Variants in DARS2 observed in about 807,000 individuals in gnomAD.
DARS2 encodes aspartyl-tRNA synthetase 2, mitochondrial.
In DARS2, 63 loss-of-function variants were observed where a neutral mutation model predicts 83.0. The ratio of observed to expected loss-of-function variants is 0.76; its 90% confidence interval spans 0.62 to 0.94. DARS2 has a LOEUF of 0.94. Ranked by LOEUF, DARS2 falls within the 40% of genes least tolerant of loss-of-function variation. The pLI is 0.00. For missense variants in DARS2, 675 were observed against 774.4 expected, an observed-to-expected ratio of 0.87 and a Z score of 1.52; for synonymous variants, 250 against 269.3, an observed-to-expected ratio of 0.93 and a Z score of 0.70.
At chr1:173,833,300 T>C in intron 5 of DARS2, 76 bp from the exon 6 acceptor site, 1 of 1,411,428 alleles carries the variant, frequency 7.1e-7, no homozygotes, top group Non-Finnish European at 9.4e-7. Flanking sequence ...TTTTTGAAAA[T>C]TCAAACTCTT....
intron 15 of DARS2, 94 bp from the exon 16 acceptor site, chr1:173,856,572 T>C (rs1653867362): frequency 1.8e-6 from 2 of 1,137,326 alleles, no homozygotes; most frequent in Non-Finnish European, 2.6e-6. Flanking sequence ...GTTTTAAAAC[T>C]CAACTTTGTT....
Position 173,826,760 on chromosome 1 carries a change from C to T in DARS2, c.201C>T (p.Thr67=), listed in dbSNP as rs2102634045. 1.2e-6 allele frequency: 2 copies of T among 1,613,146 alleles called. No individual in the cohort carries two copies. Among genetic ancestry groups the T allele is most frequent in the South Asian group, 1.1e-5 (1 of 91,062 alleles). Residue 67 remains threonine (T), a synonymous_variant, in exon 2 of 17, where the codon ACC becomes ACT. Transcript: ENST00000649689. ...LRSSHLGQEV[T]LCGWIQYRRQ... ...CGTCTCACTTAGGCCAAGAAGTCAC[C>T]TTGTGTGGATGGATTCAGTACCGAA...
chr1:173,834,302 C>T (rs1057332557), intron 6 of DARS2, among the ~76,000 whole-genome samples, 171 bp from the exon 7 acceptor site: 2 of 152,150 alleles, frequency 1.3e-5, no homozygotes, highest in African/African-American at 4.8e-5. Context: ...TGAAAATCTT[C>T]AGCTTCCTTC....
intron 4 of DARS2, 63 bp from the exon 5 acceptor site, chr1:173,831,472 A>G (rs564582481): frequency 8.7e-7 from 1 of 1,152,010 alleles, no homozygotes; most frequent in East Asian, 2.3e-5. Flanking sequence ...AGATTCTACA[A>G]ATGTGTATTT....
chr1:173,842,453 C>A (rs1653267065), intron 11 of DARS2, among the ~76,000 whole-genome samples: 3 of 149,728 alleles, frequency 2.0e-5, no homozygotes, highest in Admixed American at 6.7e-5. Flanking sequence ...CGTATGCCAC[C>A]ATGCCCAGCT....
In DARS2 at chr1:173,841,716, T is replaced by C. The variant is rs111307469; in HGVS notation, c.1128+743T>C. Among the ~76,000 whole-genome samples the C allele has an allele frequency of 1.0e-3, 158 of 152,254 alleles. 1 individual carries two copies. The highest frequency in any genetic ancestry group is 3.7e-3 in the African/African-American group (152 of 41,558). On this transcript the variant is annotated intron_variant, in intron 11 of 16. Transcript: ENST00000649689. ...CTGGAGGTTGAGGTCCAAGGATCAC[T>C]TGAGGCAAAGTGTTCAAGGCTGCAG...
rs1652866816 is a variant in DARS2, at chr1:173,833,435, G to C, written c.552G>C (p.Gln184His). Residue 184 changes from glutamine to histidine, a missense_variant, in exon 6 of 17, where the codon CAG becomes CAC. Gln to His is a conservative substitution (Grantham distance 24). Transcript: ENST00000649689. ...RYLDLRSFQM[Q>H]YNLRLRSQMV... ...TAGACTTGCGTAGTTTCCAAATGCA[G>C]TATAACCTGCGACTGAGGTCCCAGA... The C allele has an allele frequency of 6.2e-7, 1 of 1,613,994 alleles. No individual in the cohort carries two copies. The highest frequency in any genetic ancestry group is 1.1e-5 in the South Asian group (1 of 91,086).
In DARS2 at chr1:173,853,708, T is replaced by C. The variant is rs1021532376; in HGVS notation, c.1564-87T>C. On this transcript the variant is annotated intron_variant, in intron 14 of 16. Transcript: ENST00000649689. ...TGGAGTTTGAGTTAGTAGTAATACA[T>C]TGTCTTTAAAAATCTACAGGGTCTT... is the stretch of plus-strand genomic sequence containing the variant. 4.0e-6 allele frequency: 6 copies of C among 1,490,528 alleles called. No individual in the cohort carries two copies. The African/African-American group carries it at 6.9e-5, about 17-fold the overall frequency. 92.3% of individuals were successfully genotyped at this position (1,490,528 alleles called of 1,614,324 possible).
At chr1:173,826,081 G>T (rs948110606) in intron 1 of DARS2, among the ~76,000 whole-genome samples, 15 of 151,870 alleles carry the variant, frequency 9.9e-5, no homozygotes, top group East Asian at 2.0e-4. Flanking sequence ...AAAATTAGCC[G>T]GGCGTGGTGG....
intron 2 of DARS2, among the ~76,000 whole-genome samples, 155 bp from the exon 3 acceptor site, chr1:173,828,178 T>C (rs1339005704): frequency 6.6e-6 from 1 of 152,158 alleles, no homozygotes; most frequent in East Asian, 1.9e-4. Context: ...TGAAGGTACA[T>C]AATTATCATA....
chr1:173,846,081 G>A (rs958298913), intron 12 of DARS2, among the ~76,000 whole-genome samples: 5 of 151,496 alleles, frequency 3.3e-5, no homozygotes, highest in Non-Finnish European at 5.9e-5. Context: ...TGGCGTGAAC[G>A]CAGGAGGCGG....
chr1:173,857,374 C>A (rs1653892107), intron 16 of DARS2, 144 bp from the exon 17 acceptor site: 12 of 776,846 alleles, frequency 1.5e-5, no homozygotes, highest in Non-Finnish European at 2.5e-5. Flanking sequence ...AACAAAAGTT[C>A]TCTAAAAAGG....
chr1:173,837,099 G>A (rs1194816125), intron 8 of DARS2, 53 bp downstream of exon 8: 2 of 1,490,738 alleles, frequency 1.3e-6, no homozygotes, highest in South Asian at 2.3e-5. Context: ...GAAAAACAAA[G>A]GGAAAAAAGG....
At chr1:173,845,346 T>C in intron 12 of DARS2, 55 bp downstream of exon 12, 1 of 1,103,462 alleles carries the variant, frequency 9.1e-7, no homozygotes, top group East Asian at 2.4e-5. Flanking sequence ...TATTTTTAAC[T>C]ATTATTAACT....
chr1:173,835,936 A>G (rs1652986990), intron 7 of DARS2, among the ~76,000 whole-genome samples: 1 of 152,086 alleles, frequency 6.6e-6, no homozygotes, highest in African/African-American at 2.4e-5. Flanking sequence ...AGGCACCTGT[A>G]GTCCCAGCTA....
chr1:173,842,402 G>A (rs368356700), intron 11 of DARS2, among the ~76,000 whole-genome samples: 8 of 140,876 alleles, frequency 5.7e-5, no homozygotes, highest in African/African-American at 1.9e-4. Flanking sequence ...AGGTTCGAGC[G>A]ATTTTCCTGC....
intron 1 of DARS2, 33 bp downstream of exon 1, chr1:173,825,389 A>C: frequency 6.2e-7 from 1 of 1,606,580 alleles, no homozygotes; most frequent in Non-Finnish European, 8.5e-7. Context: ...TCCTATGAAC[A>C]GTACTTCAGC....
intron 12 of DARS2, among the ~76,000 whole-genome samples, chr1:173,846,022 G>T (rs1653421722): frequency 1.3e-5 from 2 of 152,182 alleles, no homozygotes; most frequent in South Asian, 4.1e-4. Context: ...GCTGGGCGTG[G>T]TGGCGCGGGC....
chr1:173,828,329 T>A lies in DARS2; in HGVS notation c.228-4T>A. The A allele has an allele frequency of 9.7e-7, 1 of 1,025,768 alleles. No individual in the cohort carries two copies. Among genetic ancestry groups the A allele is most frequent in the Non-Finnish European group, 1.4e-6 (1 of 693,066 alleles). 63.5% of individuals were successfully genotyped at this position (1,025,768 alleles called of 1,614,324 possible). A position where few individuals can be genotyped will look rare whatever the true frequency, so the allele number is the denominator to read the frequency against. On this transcript the variant is annotated splice_region_variant and splice_polypyrimidine_tract_variant and intron_variant, in intron 2 of 16. Coordinates refer to ENST00000649689, the MANE Select transcript of DARS2 (RefSeq NM_018122.5). ...TGTTTCTTTTCCCCCCCCCCATTAA[T>A]CAGGCAAAACACATTCTTGGTCCTA...
Sources: gnomAD v4.1 joint callset for allele counts (sites outside exome capture counted in the v4.1 genomes callset) on GRCh38, gnomAD v4.1.1 for gene constraint, MANE v1.5 for transcripts, NCBI Gene and HGNC (gene_info 2026-07-23, HGNC 2026-07-21) for gene names.